GRM5: variants seen among roughly 807,000 people sequenced by gnomAD.
GRM5 encodes the protein metabotropic glutamate receptor 5.
A neutral mutation model predicts 83.1 loss-of-function variants in GRM5; 19 were observed. That is an observed-to-expected ratio of 0.23 (90% confidence interval 0.16 to 0.34). The LOEUF (loss-of-function observed/expected upper bound fraction) is 0.34, where lower values mean the gene tolerates loss of function less well. GRM5 is among the 10% of genes least tolerant of loss of function. The probability of loss-of-function intolerance (pLI) is 1.00; values close to 1 mark genes in which losing one functional copy is unlikely to be tolerated. For synonymous variants in GRM5, 675 were observed against 633.6 expected, an observed-to-expected ratio of 1.07 and a Z score of -0.98; for missense variants, 1,160 against 1,588.3, an observed-to-expected ratio of 0.73 and a Z score of 4.58.
At chr11:88,988,829 C>T (rs1939845972) in intron 2 of GRM5, among the ~76,000 whole-genome samples, 1 of 142,466 alleles carries the variant, frequency 7.0e-6, no homozygotes, top group Non-Finnish European at 1.5e-5. Context: ...TTGTCACCAC[C>T]AGGCCTGCCC....
At chr11:88,961,668 T>A (rs1938787718) in intron 2 of GRM5, among the ~76,000 whole-genome samples, 1 of 152,224 alleles carries the variant, frequency 6.6e-6, no homozygotes, top group Non-Finnish European at 1.5e-5. Flanking sequence ...CAACATAACA[T>A]TCCAAGACTT....
chr11:88,644,411 G>A (rs1939383238), intron 4 of GRM5, among the ~76,000 whole-genome samples: 1 of 152,122 alleles, frequency 6.6e-6, no homozygotes. Flanking sequence ...ATAGGGATTT[G>A]GAAAACAGAG....
intron 2 of GRM5, among the ~76,000 whole-genome samples, chr11:89,045,687 A>G (rs761740180): frequency 6.6e-6 from 1 of 152,156 alleles, no homozygotes; most frequent in Non-Finnish European, 1.5e-5. Flanking sequence ...TTGGGGCACA[A>G]TTGAATTAGC....
intron 2 of GRM5, among the ~76,000 whole-genome samples, chr11:88,892,208 A>G (rs1429459177): frequency 2.1e-5 from 3 of 145,170 alleles, no homozygotes; most frequent in East Asian, 2.0e-4. Flanking sequence ...TGGTTATTTT[A>G]TCAAAGCTTT....
At chr11:88,766,553 A>G (rs1591499554) in intron 3 of GRM5, among the ~76,000 whole-genome samples, 2 of 152,058 alleles carry the variant, frequency 1.3e-5, no homozygotes, top group South Asian at 4.2e-4. Context: ...CAAAAATCAA[A>G]TCAAAATGGA....
chr11:88,722,703 A>G (rs556228570), intron 3 of GRM5, among the ~76,000 whole-genome samples: 1 of 152,274 alleles, frequency 6.6e-6, no homozygotes, highest in East Asian at 1.9e-4. Context: ...TTTCTTTAAT[A>G]AGTAGATTTT....
chr11:88,615,649 TA>T (rs58256186), intron 4 of GRM5, among the ~76,000 whole-genome samples: 10,827 of 119,684 alleles, frequency 0.09, 379 homozygotes, highest in Middle Eastern at 0.14. Flanking sequence ...ATTAAGAAAC[TA>T]AAAAAAAAAA....
chr11:88,866,461 T>C (rs628368), intron 2 of GRM5, among the ~76,000 whole-genome samples: 37,522 of 151,684 alleles, frequency 0.25, 5,102 homozygotes, highest in South Asian at 0.53. Flanking sequence ...AGATGACAGG[T>C]TGATGGTTGC....
At chr11:89,030,764 G>A (rs1278833049) in intron 2 of GRM5, among the ~76,000 whole-genome samples, 1 of 151,954 alleles carries the variant, frequency 6.6e-6, no homozygotes, top group Non-Finnish European at 1.5e-5. Flanking sequence ...AAAATTCTAT[G>A]ATCTTATGCC....
chr11:88,949,815 A>C (rs1288438875), intron 2 of GRM5, among the ~76,000 whole-genome samples: 1 of 152,194 alleles, frequency 6.6e-6, no homozygotes, highest in Non-Finnish European at 1.5e-5. Context: ...AATCATTAGA[A>C]ACAGTATTTT....
At chr11:88,946,759 T>A (rs186804996) in intron 2 of GRM5, among the ~76,000 whole-genome samples, 3 of 152,202 alleles carry the variant, frequency 2.0e-5, no homozygotes, top group Non-Finnish European at 2.9e-5. Context: ...GAGACCAAAT[T>A]ACGTTTTGCG....
At chr11:88,889,912 T>C (rs1409541539) in intron 2 of GRM5, among the ~76,000 whole-genome samples, 3 of 152,176 alleles carry the variant, frequency 2.0e-5, no homozygotes, top group Admixed American at 2.0e-4. Context: ...TAAGAGCAGA[T>C]AGTGCCCTCT....
At chr11:88,787,659 G>A (rs1943098744) in intron 3 of GRM5, among the ~76,000 whole-genome samples, 1 of 152,050 alleles carries the variant, frequency 6.6e-6, no homozygotes, top group Non-Finnish European at 1.5e-5. Context: ...TATTAATGAT[G>A]GTGATGCATG....
chr11:88,817,390 C>T (rs1943711129), intron 3 of GRM5, among the ~76,000 whole-genome samples: 1 of 151,762 alleles, frequency 6.6e-6, no homozygotes, highest in African/African-American at 2.4e-5. Flanking sequence ...TTTGTTTGAA[C>T]TTGTGGACCT....
chr11:88,534,967 C>A (rs182821496), intron 8 of GRM5, among the ~76,000 whole-genome samples: 1 of 152,248 alleles, frequency 6.6e-6, no homozygotes, highest in East Asian at 1.9e-4. Context: ...CTGCTGCCAT[C>A]CTTGTAAGAT....
intron 7 of GRM5, among the ~76,000 whole-genome samples, chr11:88,570,571 AT>A (rs1194098388): frequency 0.011 from 496 of 46,144 alleles, no homozygotes; most frequent in Admixed American, 0.014. Context: ...ATATATATAT[AT>A]TTTTTTTTTT....
At chr11:88,518,615 G>A (rs752945957) in intron 9 of GRM5, among the ~76,000 whole-genome samples, 16 of 151,594 alleles carry the variant, frequency 1.1e-4, no homozygotes, top group Non-Finnish European at 2.4e-4. Context: ...TTCCAAGAAG[G>A]GCATATGAGC....
At chr11:88,532,558 G>A (rs1381933892) in intron 8 of GRM5, among the ~76,000 whole-genome samples, 1 of 152,136 alleles carries the variant, frequency 6.6e-6, no homozygotes, top group Non-Finnish European at 1.5e-5. Context: ...AAATGACCAT[G>A]TGAATAAACC....
intron 2 of GRM5, among the ~76,000 whole-genome samples, chr11:88,884,347 A>G (rs530176484): frequency 6.6e-5 from 10 of 152,186 alleles, no homozygotes; most frequent in African/African-American, 2.4e-4. Flanking sequence ...GTTTTGGCCA[A>G]TTTCTTCCAT....
Sources: gnomAD v4.1 joint callset for allele counts (sites outside exome capture counted in the v4.1 genomes callset) on GRCh38, gnomAD v4.1.1 for gene constraint, MANE v1.5 for transcripts, NCBI Gene and HGNC (gene_info 2026-07-23, HGNC 2026-07-21) for gene names.